USH1C: variants seen among roughly 807,000 people sequenced by gnomAD.
The protein encoded by USH1C is harmonin.
USH1C carries 90 observed loss-of-function variants against 119.3 expected under a neutral mutation model. That is an observed-to-expected ratio of 0.75 (90% CI 0.64 to 0.90). USH1C has a LOEUF of 0.90. USH1C is among the 40% of genes least tolerant of loss of function. The pLI is 0.00. For synonymous variants in USH1C, 465 were observed against 443.3 expected (o/e 1.05, Z -0.62); for missense variants, 1,165 against 1,167.7 (o/e 1.00, Z 0.03).
intron 14 of USH1C, among the ~76,000 whole-genome samples, chr11:17,519,320 C>T (rs371866887): frequency 3.7e-4 from 57 of 152,298 alleles, no homozygotes; most frequent in African/African-American, 1.2e-3. Context: ...AGCGGGCAGG[C>T]GGGGGTCATC....
chr11:17,500,296 G>A (rs1849387058), intron 23 of USH1C, among the ~76,000 whole-genome samples: 1 of 152,208 alleles, frequency 6.6e-6, no homozygotes. Flanking sequence ...AAAGCAAAAT[G>A]ACCAAACTGC....
At chr11:17,502,097 A>T in intron 20 of USH1C, 117 bp from the exon 21 acceptor site, 1 of 1,062,574 alleles carries the variant, frequency 9.4e-7, no homozygotes, top group Non-Finnish European at 1.4e-6. Context: ...GTAGGGCGGG[A>T]GAAGGCACGG....
At chr11:17,527,462 C>A (rs914011774) in intron 4 of USH1C, 131 bp from the exon 5 acceptor site, 1 of 773,106 alleles carries the variant, frequency 1.3e-6, no homozygotes, top group Non-Finnish European at 2.2e-6. Context: ...CTGGAATAAG[C>A]CTTGATCTCA....
Position 17,531,376 on chromosome 11 carries a change from C to G in USH1C, c.248+23G>C, listed in dbSNP as rs1452952652. ...GGGTGATCTCTCCACCCCCTGCCTC[C>G]AGCCTGGTGGCTTCCTCTGCACCTG... On this transcript the variant is annotated intron_variant, in intron 3 of 26. Coordinates refer to ENST00000005226, the MANE Select transcript of USH1C (RefSeq NM_153676.4). The surrounding 1 kb of genome is among the most constrained non-coding windows in gnomAD (Gnocchi z 4.2). 6.2e-7 allele frequency: 1 copy of G among 1,613,728 alleles called. No individual in the cohort carries two copies. Among genetic ancestry groups the G allele is most frequent in the Non-Finnish European group, 8.5e-7 (1 of 1,179,824 alleles).
At chr11:17,526,286 C>A (rs1850666154) in intron 8 of USH1C, 61 bp downstream of exon 8, 1 of 1,401,544 alleles carries the variant, frequency 7.1e-7, no homozygotes, top group South Asian at 1.2e-5. Flanking sequence ...AAGGGGAGGG[C>A]AATAGGGGCC....
chr11:17,521,106 G>T, intron 13 of USH1C, 112 bp from the exon 14 acceptor site: 1 of 1,435,344 alleles, frequency 7.0e-7, no homozygotes. Flanking sequence ...TTCTAGTCAT[G>T]ATGAATCAAG....
intron 1 of USH1C, among the ~76,000 whole-genome samples, chr11:17,543,954 AG>A (rs1225423815): frequency 6.6e-6 from 1 of 152,168 alleles, no homozygotes; most frequent in Non-Finnish European, 1.5e-5. Context: ...TTGCCCACAA[AG>A]GGGGCACCTC....
chr11:17,520,540 C>T (rs1394636959), intron 14 of USH1C, among the ~76,000 whole-genome samples: 1 of 152,184 alleles, frequency 6.6e-6, no homozygotes, highest in African/African-American at 2.4e-5. Context: ...GACATGGTAC[C>T]CAAAACATTA....
chr11:17,528,870 TA>T (rs758388443), intron 4 of USH1C, among the ~76,000 whole-genome samples: 13 of 152,252 alleles, frequency 8.5e-5, no homozygotes, highest in Non-Finnish European at 1.5e-4. Flanking sequence ...GCGGCCAGAC[TA>T]ACTCCTTCCA....
At chr11:17,513,068 C>T (rs571139278) in intron 15 of USH1C, among the ~76,000 whole-genome samples, 14 of 152,300 alleles carry the variant, frequency 9.2e-5, no homozygotes, top group African/African-American at 3.4e-4. Flanking sequence ...GATGAAGGAG[C>T]TGAGGCTCAG....
chr11:17,500,683 C>T (rs533999385), intron 23 of USH1C, among the ~76,000 whole-genome samples: 2 of 152,172 alleles, frequency 1.3e-5, no homozygotes, highest in Non-Finnish European at 2.9e-5. Flanking sequence ...TCCTGGCCTC[C>T]CATCTCCTCT....
chr11:17,521,258 C>T, intron 13 of USH1C, 88 bp downstream of exon 13: 2 of 1,416,638 alleles, frequency 1.4e-6, no homozygotes. Flanking sequence ...ACCAGGTAAA[C>T]TGGTTCTGGA....
At chr11:17,498,912 A>G (rs1849339180) in intron 23 of USH1C, among the ~76,000 whole-genome samples, 2 of 152,238 alleles carry the variant, frequency 1.3e-5, no homozygotes, top group African/African-American at 2.4e-5. Flanking sequence ...GTTCACCATA[A>G]TATCCCCAGC....
intron 9 of USH1C, among the ~76,000 whole-genome samples, chr11:17,524,216 C>A (rs1235310072): frequency 3.3e-5 from 5 of 152,182 alleles, no homozygotes; most frequent in Admixed American, 1.3e-4. Context: ...TCTTTGATTA[C>A]CATTACGACA....
chr11:17,498,506 G>A (rs1056051155), intron 23 of USH1C, among the ~76,000 whole-genome samples: 5 of 152,168 alleles, frequency 3.3e-5, no homozygotes, highest in Non-Finnish European at 7.3e-5. Flanking sequence ...GGAGAACCTG[G>A]ATATCATTGA....
At chr11:17,504,058 T>C (rs1387586039) in intron 20 of USH1C, among the ~76,000 whole-genome samples, 1 of 152,202 alleles carries the variant, frequency 6.6e-6, no homozygotes, top group Non-Finnish European at 1.5e-5. Flanking sequence ...AATCCAATGG[T>C]TGGCTCCATG....
chr11:17,544,356 G>C lies in USH1C; in HGVS notation c.-49C>G. On this transcript the variant is annotated 5_prime_UTR_variant, in exon 1 of 27. Coordinates refer to ENST00000005226, the MANE Select transcript of USH1C (RefSeq NM_153676.4). The stretch of plus-strand genomic sequence containing the variant: ...CGTTGCACGACCCGTTCCTTCGGGT[G>C]CCCGGCTGCCAGGAGCTGGAAAGAG... The C allele has an allele frequency of 6.2e-7, 1 of 1,612,690 alleles. No homozygotes were observed. The highest frequency in any genetic ancestry group is 2.2e-5 in the East Asian group (1 of 44,860).
intron 1 of USH1C, among the ~76,000 whole-genome samples, chr11:17,536,001 C>T (rs1592033902): frequency 6.6e-6 from 1 of 152,298 alleles, no homozygotes; most frequent in Non-Finnish European, 1.5e-5. Flanking sequence ...GCCAAAATTT[C>T]CAACCCTTTG....
In USH1C at chr11:17,542,456, C is replaced by T. The variant is rs144542716; in HGVS notation, c.36+1816G>A. Among the ~76,000 whole-genome samples the T allele has an allele frequency of 5.7e-3, 863 of 152,364 alleles. 7 individuals are homozygous for T. The highest frequency in any genetic ancestry group is 8.4e-3 in the Non-Finnish European group (573 of 68,030). On this transcript the variant is annotated intron_variant, in intron 1 of 26. Transcript: ENST00000005226. ...AGCCTGGGCCTTGCCTAGCGCATGG[C>T]GCCTGCCCTGCCTGCACACAGGGAT...
Sources: gnomAD v4.1 joint callset for allele counts (sites outside exome capture counted in the v4.1 genomes callset) on GRCh38, gnomAD v4.1.1 for gene constraint, Gnocchi (gnomAD v3.1) non-coding constraint, MANE v1.5 for transcripts, NCBI Gene and HGNC (gene_info 2026-07-23, HGNC 2026-07-21) for gene names.